TMTC2: variants seen among roughly 807,000 people sequenced by gnomAD.
TMTC2 encodes protein O-mannosyl-transferase TMTC2.
A neutral mutation model predicts 82.4 loss-of-function variants in TMTC2; 43 were observed. That is an observed-to-expected ratio of 0.52 (90% CI 0.41 to 0.67). TMTC2 has a LOEUF of 0.67. TMTC2 is among the 30% of genes least tolerant of loss of function. The pLI, the probability that TMTC2 is intolerant of heterozygous loss-of-function variation, is 0.00. For synonymous variants in TMTC2, 408 were observed against 381.9 expected (o/e 1.07, Z -0.80); for missense variants, 919 against 1,012.4 (o/e 0.91, Z 1.25).
chr12:82,885,675 A>G (rs970479704), intron 2 of TMTC2, among the ~76,000 whole-genome samples: 2 of 152,070 alleles, frequency 1.3e-5, no homozygotes, highest in African/African-American at 4.8e-5. Context: ...CTGGCTGGGT[A>G]TATAGGTTTT....
At chr12:82,870,124 T>A (rs1045795578) in intron 2 of TMTC2, among the ~76,000 whole-genome samples, 2 of 152,228 alleles carry the variant, frequency 1.3e-5, no homozygotes, top group Non-Finnish European at 2.9e-5. Flanking sequence ...ATTACAATTC[T>A]AATTTTTATT....
chr12:83,015,985 A>C (rs1880660579), intron 8 of TMTC2, among the ~76,000 whole-genome samples: 1 of 152,232 alleles, frequency 6.6e-6, no homozygotes, highest in Non-Finnish European at 1.5e-5. Context: ...AGCGAAAGTG[A>C]ATGAGTATTG....
chr12:82,706,705 AAACTT>A (rs1592861729), intron 1 of TMTC2, among the ~76,000 whole-genome samples: 1 of 152,228 alleles, frequency 6.6e-6, no homozygotes, highest in Admixed American at 6.5e-5. Flanking sequence ...AAGGTGGAGA[AAACTT>A]GACTTTACTT....
At chr12:82,888,082 AAAAAT>A (rs1873196343) in intron 2 of TMTC2, among the ~76,000 whole-genome samples, 1 of 152,152 alleles carries the variant, frequency 6.6e-6, no homozygotes, top group African/African-American at 2.4e-5. Flanking sequence ...TCTATCTCAA[AAAAAT>A]AAAATAAAAT....
chr12:82,719,085 A>ATATATATATATATATTT (rs1282211374), intron 1 of TMTC2, among the ~76,000 whole-genome samples: 1 of 41,414 alleles, frequency 2.4e-5, no homozygotes, highest in African/African-American at 1.2e-4. Flanking sequence ...ATATATATAT[A>ATATATATATATATATTT]TTTTTTTTTT....
At chr12:82,751,181 T>G (rs1039797853) in intron 1 of TMTC2, among the ~76,000 whole-genome samples, 1 of 152,144 alleles carries the variant, frequency 6.6e-6, no homozygotes, top group Non-Finnish European at 1.5e-5. Context: ...ATGTGGCACA[T>G]ATACACAATG....
intron 4 of TMTC2, among the ~76,000 whole-genome samples, chr12:82,961,996 C>G (rs1877960606): frequency 6.6e-6 from 1 of 152,004 alleles, no homozygotes; most frequent in Admixed American, 6.6e-5. Context: ...CGATGATATT[C>G]TAATTCAAAG....
chr12:83,108,880 T>C (rs1424867141), intron 11 of TMTC2, among the ~76,000 whole-genome samples: 1 of 152,196 alleles, frequency 6.6e-6, no homozygotes, highest in Non-Finnish European at 1.5e-5. Flanking sequence ...TAAAGTTTAT[T>C]CTTATTAATA....
chr12:82,843,277 G>A (rs1565774621), intron 1 of TMTC2, among the ~76,000 whole-genome samples: 1 of 151,986 alleles, frequency 6.6e-6, no homozygotes, highest in African/African-American at 2.4e-5. Context: ...AGTAGAGACG[G>A]GGTTTCACCA....
chr12:82,898,083 G>A (rs1412830874), intron 3 of TMTC2, among the ~76,000 whole-genome samples: 1 of 152,132 alleles, frequency 6.6e-6, no homozygotes, highest in Non-Finnish European at 1.5e-5. Flanking sequence ...GGAACTAATT[G>A]CTTGTACTTA....
intron 11 of TMTC2, among the ~76,000 whole-genome samples, chr12:83,105,386 G>A (rs1884359749): frequency 6.6e-6 from 1 of 152,138 alleles, no homozygotes; most frequent in African/African-American, 2.4e-5. Flanking sequence ...ACCTGAGACT[G>A]GCTAATTCAT....
intron 11 of TMTC2, among the ~76,000 whole-genome samples, chr12:83,070,920 A>G (rs576490800): frequency 6.6e-6 from 1 of 152,276 alleles, no homozygotes; most frequent in East Asian, 1.9e-4. Context: ...ATTTTGTCGA[A>G]TGCTTTTTCT....
At chr12:82,831,403 A>G (rs745960079) in intron 1 of TMTC2, among the ~76,000 whole-genome samples, 4 of 152,190 alleles carry the variant, frequency 2.6e-5, no homozygotes, top group Non-Finnish European at 5.9e-5. Context: ...GTTGGAAAGT[A>G]TTTTGCAAAA....
intron 1 of TMTC2, among the ~76,000 whole-genome samples, chr12:82,760,703 A>G (rs1876577478): frequency 6.6e-6 from 1 of 152,064 alleles, no homozygotes. Flanking sequence ...GCCACTCACC[A>G]TTGCTGGTAT....
intron 1 of TMTC2, among the ~76,000 whole-genome samples, chr12:82,809,217 T>G (rs1879379461): frequency 6.6e-6 from 1 of 152,020 alleles, no homozygotes; most frequent in Non-Finnish European, 1.5e-5. Context: ...CAAATCTAGT[T>G]TAATAAATTG....
intron 9 of TMTC2, among the ~76,000 whole-genome samples, chr12:83,048,536 A>G (rs1375436406): frequency 6.6e-6 from 1 of 152,238 alleles, no homozygotes; most frequent in Non-Finnish European, 1.5e-5. Flanking sequence ...GTGATCTCCA[A>G]GTCTTAGTCT....
intron 2 of TMTC2, among the ~76,000 whole-genome samples, chr12:82,886,735 T>C (rs577916448): frequency 2.0e-5 from 3 of 152,300 alleles, no homozygotes; most frequent in Admixed American, 2.0e-4. Context: ...TGATCATTAA[T>C]AAGGAAACCC....
At chr12:82,824,312 C>T (rs1276439863) in intron 1 of TMTC2, among the ~76,000 whole-genome samples, 1 of 152,172 alleles carries the variant, frequency 6.6e-6, no homozygotes, top group Non-Finnish European at 1.5e-5. Context: ...AGACCATCAG[C>T]CCTCTTTGGC....
chr12:82,848,946 G>A (rs117593784), intron 1 of TMTC2, among the ~76,000 whole-genome samples: 100 of 152,212 alleles, frequency 6.6e-4, no homozygotes, highest in Non-Finnish European at 1.2e-3. Flanking sequence ...AGGTAGAGGG[G>A]GAAAAGAAAT....
Sources: allele counts gnomAD v4.1 joint callset (sites outside exome capture counted in the v4.1 genomes callset), GRCh38; gene constraint gnomAD v4.1.1; transcripts MANE v1.5; gene names NCBI Gene and HGNC (gene_info 2026-07-23, HGNC 2026-07-21).